Variants in PPARGC1A observed in about 807,000 individuals in gnomAD.
PPARGC1A encodes PPARG coactivator 1 alpha, also known as peroxisome proliferator-activated receptor gamma coactivator 1-alpha.
Under a neutral mutation model 88.7 loss-of-function variants are expected in PPARGC1A, and 25 were observed. That is an observed-to-expected ratio of 0.28 (90% CI 0.21 to 0.39). The LOEUF (loss-of-function observed/expected upper bound fraction) is 0.39. Ranked by LOEUF, PPARGC1A falls within the 10% of genes least tolerant of loss-of-function variation. PPARGC1A has a pLI of 1.00. For synonymous variants in PPARGC1A, 363 were observed against 355.6 expected (o/e 1.02, Z -0.24); for missense variants, 880 against 968.7 (o/e 0.91, Z 1.22).
rs71196134 is a variant in PPARGC1A at position 23,811,889 on chromosome 4, CTTTTTTTTTTTTTTTTTTTTTTTTTT to C, written c.2019+832_2019+857del. Reference sequence around the variant, plus strand: ...GACGACCATCACGCAGAAGAAATGACTTTTTTTTTTTTTTTTTTTTTTTTTTTTTTTTTTTTTTTTTTTTTTGAGAC... The same window carrying C: ...GACGACCATCACGCAGAAGAAATGACTTTTTTTTTTTTTTTTTTTTGAGAC... On this transcript the variant is annotated intron_variant, in intron 10 of 12. Transcript: ENST00000264867. Among the ~76,000 whole-genome samples, 574 of 59,046 alleles carry C rather than the reference CTTTTTTTTTTTTTTTTTTTTTTTTTT, an allele frequency of 9.7e-3. 4 individuals are homozygous for C. Among genetic ancestry groups the C allele is most frequent in the Admixed American group, 0.016 (72 of 4,608 alleles). The allele number at this position is 59,046 out of a possible 152,430, so 38.7% of individuals were successfully genotyped here.
At chr4:24,453,146 A>C in the PPARGC1A span, among the ~76,000 whole-genome samples, 1 of 152,184 alleles carries the variant, frequency 6.6e-6, no homozygotes, top group Non-Finnish European at 1.5e-5. Flanking sequence ...GGCCAACTAC[A>C]AGGCAAGGAT....
chr4:24,028,658 C>T, the PPARGC1A span, among the ~76,000 whole-genome samples: 21 of 152,154 alleles, frequency 1.4e-4, no homozygotes, highest in African/African-American at 4.8e-4. Flanking sequence ...TACCTGTAGC[C>T]ATAGAAAGTT....
the PPARGC1A span, among the ~76,000 whole-genome samples, chr4:24,019,927 CAT>C: frequency 1.3e-5 from 2 of 152,154 alleles, no homozygotes; most frequent in African/African-American, 4.8e-5. Flanking sequence ...TTTCTACAGA[CAT>C]ATATAGAAAC....
chr4:23,856,566 T>G (rs557573853), intron 2 of PPARGC1A, among the ~76,000 whole-genome samples: 1 of 152,214 alleles, frequency 6.6e-6, no homozygotes, highest in African/African-American at 2.4e-5. Flanking sequence ...TATGCACTAA[T>G]GATAGCCACT....
chr4:24,121,636 A>C, the PPARGC1A span, among the ~76,000 whole-genome samples: 219 of 152,306 alleles, frequency 1.4e-3, 1 homozygote, highest in African/African-American at 5.0e-3. Context: ...AGAGGAATGC[A>C]GAGGAAACCA....
At chr4:24,363,886 A>G in the PPARGC1A span, among the ~76,000 whole-genome samples, 5 of 152,254 alleles carry the variant, frequency 3.3e-5, no homozygotes, top group East Asian at 9.7e-4. Flanking sequence ...CCTCTCCATG[A>G]CTGCCTTTAT....
the PPARGC1A span, among the ~76,000 whole-genome samples, chr4:24,279,949 C>T: frequency 6.6e-6 from 1 of 152,134 alleles, no homozygotes; most frequent in Non-Finnish European, 1.5e-5. Context: ...ATTGGCCTTT[C>T]CCTCTGAGAG....
chr4:24,324,533 A>T, the PPARGC1A span, among the ~76,000 whole-genome samples: 1 of 152,054 alleles, frequency 6.6e-6, no homozygotes, highest in Non-Finnish European at 1.5e-5. Context: ...CTGTGTTCTC[A>T]AAAACTTAAA....
At chr4:24,230,583 G>A in the PPARGC1A span, among the ~76,000 whole-genome samples, 3 of 152,236 alleles carry the variant, frequency 2.0e-5, no homozygotes, top group East Asian at 3.9e-4. Flanking sequence ...TTTGTCCTGG[G>A]ATATGGTCTC....
the PPARGC1A span, among the ~76,000 whole-genome samples, chr4:24,106,262 T>C: frequency 6.6e-6 from 1 of 152,190 alleles, no homozygotes; most frequent in Non-Finnish European, 1.5e-5. Context: ...TATCTGTTTC[T>C]TATGAATTTC....
the PPARGC1A span, among the ~76,000 whole-genome samples, chr4:24,418,895 T>G: frequency 6.6e-6 from 1 of 152,350 alleles, no homozygotes; most frequent in South Asian, 2.1e-4. Flanking sequence ...ATATTTTTGC[T>G]AATCATCTGC....
At chr4:23,989,009 A>G in the PPARGC1A span, among the ~76,000 whole-genome samples, 3 of 149,262 alleles carry the variant, frequency 2.0e-5, no homozygotes, top group Non-Finnish European at 4.4e-5. Flanking sequence ...ATATATATAC[A>G]TATAATAGTA....
At chr4:24,213,293 G>C in the PPARGC1A span, among the ~76,000 whole-genome samples, 2 of 151,108 alleles carry the variant, frequency 1.3e-5, no homozygotes, top group African/African-American at 2.4e-5. Flanking sequence ...CAGCCTCCCT[G>C]GTAGCTGGGA....
At chr4:23,910,670 C>T in the PPARGC1A span, among the ~76,000 whole-genome samples, 6 of 150,998 alleles carry the variant, frequency 4.0e-5, no homozygotes, top group Non-Finnish European at 8.8e-5. Flanking sequence ...GAACTGCTGA[C>T]CTCATGATCC....
the PPARGC1A span, among the ~76,000 whole-genome samples, chr4:24,316,511 G>A: frequency 6.6e-6 from 1 of 152,190 alleles, no homozygotes; most frequent in Non-Finnish European, 1.5e-5. Flanking sequence ...ACTTTTCCTA[G>A]ATATTAATAT....
chr4:24,094,613 C>T, the PPARGC1A span, among the ~76,000 whole-genome samples: 1 of 152,154 alleles, frequency 6.6e-6, no homozygotes, highest in East Asian at 1.9e-4. Context: ...TCCATGCTAC[C>T]GATCACTTAG....
the PPARGC1A span, among the ~76,000 whole-genome samples, chr4:24,214,070 CA>C: frequency 6.6e-6 from 1 of 152,170 alleles, no homozygotes; most frequent in Non-Finnish European, 1.5e-5. Flanking sequence ...GAATGTGAGG[CA>C]AAAGCACAAT....
At chr4:24,261,249 T>A in the PPARGC1A span, among the ~76,000 whole-genome samples, 1 of 152,188 alleles carries the variant, frequency 6.6e-6, no homozygotes. Context: ...CAGGCAAATC[T>A]ATCTCTCCCT....
intron 2 of PPARGC1A, chr4:23,884,108 T>G (rs1424495278): frequency 6.6e-6 from 1 of 152,196 alleles, no homozygotes; most frequent in Non-Finnish European, 1.5e-5. Flanking sequence ...TTAATAGGAA[T>G]AGATTAACAT....
Sources: allele counts gnomAD v4.1 joint callset (sites outside exome capture counted in the v4.1 genomes callset), GRCh38; gene constraint gnomAD v4.1.1; transcripts MANE v1.5; gene names NCBI Gene and HGNC (gene_info 2026-07-23, HGNC 2026-07-21).